Variants in VSIG10L observed in about 807,000 individuals in gnomAD.
VSIG10L encodes the protein V-set and immunoglobulin domain containing 10 like, also known as V-set and immunoglobulin domain-containing protein 10-like.
In VSIG10L, 63 loss-of-function variants were observed where a neutral mutation model predicts 67.3. That is an observed-to-expected ratio of 0.94 (90% confidence interval 0.76 to 1.15). The LOEUF (loss-of-function observed/expected upper bound fraction) is 1.15. Ranked by LOEUF, VSIG10L falls within the 50% of genes most tolerant of loss-of-function variation. The probability of loss-of-function intolerance (pLI) is 0.00; values close to 1 mark genes in which losing one functional copy is unlikely to be tolerated. For synonymous variants in VSIG10L, 499 were observed against 524.9 expected (o/e 0.95, Z 0.67); for missense variants, 1,050 against 1,177.5 (o/e 0.89, Z 1.58).
chr19:51,339,149 A>G lies in VSIG10L; in HGVS notation c.1475-7T>C. On this transcript the variant is annotated splice_region_variant and splice_polypyrimidine_tract_variant and intron_variant, in intron 4 of 9. Transcript: ENST00000335624. ...GGGGCCCCGGGGGGCAGGTCTGCGG[A>G]GAGAAGGGAGAGAATGAAGATGGAG... The G allele has an allele frequency of 7.8e-7, 1 of 1,284,630 alleles. No homozygotes were observed. The highest frequency in any genetic ancestry group is 1.5e-5 in the African/African-American group (1 of 64,658). 79.6% of individuals were successfully genotyped at this position (1,284,630 alleles called of 1,614,324 possible). A position where few individuals can be genotyped will look rare whatever the true frequency, so the allele number is the denominator to read the frequency against.
In VSIG10L at chr19:51,334,005, CAGCCAAT is replaced by C. The variant is rs1321088633; in HGVS notation, c.2420-67_2420-61del. 4 of 1,541,710 alleles carry C rather than the reference CAGCCAAT, an allele frequency of 2.6e-6. No individual in the cohort carries two copies. The East Asian group carries it at 9.8e-5, about 38-fold the overall frequency. ...GATTGGCTGCCCCAACATGCCAACCCAGCCAATAGCAAGGGAAGCTGGTTGGAGAGGC... is the reference window on the plus strand; with the variant it reads ...GATTGGCTGCCCCAACATGCCAACCCAGCAAGGGAAGCTGGTTGGAGAGGC... On this transcript the variant is annotated intron_variant, in intron 8 of 9. Transcript: ENST00000335624.
At position 51,333,529 on chromosome 19, in the gene VSIG10L, C is replaced by CAAAA. The variant is rs1190779104; in HGVS notation, c.2574+258_2574+261dup. Reference sequence around the variant, plus strand: ...GGGCAACAAAGTGAGACTCTGTCTCCAAAAAAAAAAAAAAGAGAGAGAGAG... The same window carrying CAAAA: ...GGGCAACAAAGTGAGACTCTGTCTCCAAAAAAAAAAAAAAAAAAGAGAGAGAGAG... On this transcript the variant is annotated intron_variant, in intron 9 of 9. Coordinates refer to ENST00000335624, the MANE Select transcript of VSIG10L (RefSeq NM_001163922.3). Among the ~76,000 whole-genome samples, 51 of 117,386 alleles carry CAAAA rather than the reference C, an allele frequency of 4.3e-4. 5 individuals carry two copies. The East Asian group carries it at 9.4e-3, about 22-fold the overall frequency. 77.0% of individuals were successfully genotyped at this position (117,386 alleles called of 152,430 possible).
intron 9 of VSIG10L, among the ~76,000 whole-genome samples, chr19:51,333,283 C>T (rs1433770700): frequency 6.6e-6 from 1 of 152,180 alleles, no homozygotes; most frequent in Non-Finnish European, 1.5e-5. Flanking sequence ...AATCCCAGCA[C>T]TTTGGGAGGC....
intron 6 of VSIG10L, 25 bp downstream of exon 6, chr19:51,337,905 G>C: frequency 6.6e-7 from 1 of 1,526,356 alleles, no homozygotes; most frequent in Non-Finnish European, 8.8e-7. Context: ...TGGACTTCAG[G>C]GTTTTTTGAA....
At position 51,338,874 on chromosome 19, in the gene VSIG10L, C is replaced by T; in HGVS notation, c.1729+14G>A. The T allele has an allele frequency of 7.3e-7, 1 of 1,368,650 alleles. No individual in the cohort carries two copies. Among genetic ancestry groups the T allele is most frequent in the Non-Finnish European group, 9.5e-7 (1 of 1,053,304 alleles). 84.8% of individuals were successfully genotyped at this position (1,368,650 alleles called of 1,614,324 possible). ...CTCCTCGAGAAACAGCAAAAAAGCC[C>T]CGCGCCCTCTCACCCGGCGTGACTG... On this transcript the variant is annotated intron_variant, in intron 5 of 9. Transcript: ENST00000335624.
chr19:51,336,754 G>A (rs867554375), intron 7 of VSIG10L, among the ~76,000 whole-genome samples: 30 of 143,602 alleles, frequency 2.1e-4, no homozygotes, highest in African/African-American at 6.3e-4. Flanking sequence ...GGACCCTGTC[G>A]ACACCTTGAT....
At chr19:51,334,339 C>G (rs940154946) in intron 7 of VSIG10L, 35 bp from the exon 8 acceptor site, 2 of 1,540,872 alleles carry the variant, frequency 1.3e-6, no homozygotes, top group African/African-American at 2.8e-5. Context: ...AGAAGGGGAA[C>G]AGGAACCAAG....
In VSIG10L at chr19:51,333,962, A is replaced by G; in HGVS notation, c.2420-17T>C. On this transcript the variant is annotated splice_polypyrimidine_tract_variant and intron_variant, in intron 8 of 9. Transcript: ENST00000335624. The stretch of plus-strand genomic sequence containing the variant: ...GAGTCTTTCCTGATTGAGAGGCAGA[A>G]GAGAAGCAGGAACACGTGATTGGCT... 6.4e-7 allele frequency: 1 copy of G among 1,550,978 alleles called. No homozygotes were observed. Among genetic ancestry groups the G allele is most frequent in the Non-Finnish European group, 8.7e-7 (1 of 1,146,828 alleles).
rs1379123181 is a variant in VSIG10L at position 51,340,143 on chromosome 19, G to A, written c.1346C>T (p.Ala449Val). Reference protein sequence around the residue: ...TWSLADPAEAAVPAGSRLLLP... With the variant: ...TWSLADPAEAVVPAGSRLLLP... Reference sequence around the variant, plus strand: ...CAGGAGGCGCGACCCCGCGGGCACCGCGGCCTCGGCCGGGTCCGCCAGGCT... The same window carrying A: ...CAGGAGGCGCGACCCCGCGGGCACCACGGCCTCGGCCGGGTCCGCCAGGCT... The change falls in exon 4 of 10, where the codon GCG becomes GTG. Residue 449 changes from alanine to valine, a missense_variant. Around this residue, in one of 3 missense-constraint regions of VSIG10L, gnomAD observed 529 missense variants for 584.9 expected, o/e 0.90. Transcript: ENST00000335624. The surrounding 1 kb of genome is among the most constrained non-coding windows in gnomAD (Gnocchi z 6.3). 10 of 1,319,446 alleles carry A rather than the reference G, an allele frequency of 7.6e-6. No homozygotes were observed. Among genetic ancestry groups the A allele is most frequent in the South Asian group, 6.4e-5 (3 of 46,908 alleles). 81.7% of individuals were successfully genotyped at this position (1,319,446 alleles called of 1,614,324 possible).
chr19:51,339,908 G>A (rs12982441), intron 4 of VSIG10L, 107 bp downstream of exon 4: 307,240 of 857,826 alleles, frequency 0.36, 49,559 homozygotes, highest in East Asian at 0.52. Flanking sequence ...CCCACCCACC[G>A]GTATGCTGCT....
At chr19:51,334,053 T>C in intron 8 of VSIG10L, 108 bp from the exon 9 acceptor site, 3 of 1,497,070 alleles carry the variant, frequency 2.0e-6, no homozygotes, top group Non-Finnish European at 2.7e-6. Context: ...CTTATGCTGA[T>C]TGGCTGATTT....
intron 7 of VSIG10L, 41 bp from the exon 8 acceptor site, chr19:51,334,345 C>A: frequency 1.3e-6 from 2 of 1,533,012 alleles, no homozygotes; most frequent in Non-Finnish European, 1.8e-6. Flanking sequence ...GGAACAGGAA[C>A]CAAGGTTGGA....
intron 7 of VSIG10L, among the ~76,000 whole-genome samples, chr19:51,336,865 C>T (rs1985493284): frequency 6.9e-6 from 1 of 145,336 alleles, no homozygotes; most frequent in East Asian, 2.1e-4. Flanking sequence ...CTCCCGGGTT[C>T]GCGCCATTCT....
At chr19:51,337,801 G>A in intron 6 of VSIG10L, 129 bp downstream of exon 6, 1 of 1,242,910 alleles carries the variant, frequency 8.0e-7, no homozygotes, top group East Asian at 2.6e-5. Flanking sequence ...CAGGGTCTGA[G>A]GGAGGAGAGG....
Position 51,332,575 on chromosome 19 carries a change from C to A in VSIG10L, c.*36G>T, listed in dbSNP as rs1985384086. ...GGGCAGACCACTGGCTCTGATCACA[C>A]CTGTGTGGCTGCGCGAACAGTCTTT... On this transcript the variant is annotated 3_prime_UTR_variant, in exon 10 of 10. Transcript: ENST00000335624. The A allele has an allele frequency of 2.6e-6, 4 of 1,551,506 alleles. No homozygotes were observed. The African/African-American group carries it at 4.1e-5, about 16-fold the overall frequency.
At chr19:51,337,815 G>C in intron 6 of VSIG10L, 115 bp downstream of exon 6, 1 of 1,331,434 alleles carries the variant, frequency 7.5e-7, no homozygotes, top group Non-Finnish European at 1.0e-6. Flanking sequence ...GGAGAGGCTG[G>C]GGGCCTGGAT....
Position 51,338,987 on chromosome 19 carries a change from GCA to G in VSIG10L, c.1628_1629del (p.Val543AlafsTer121). The G allele has an allele frequency of 7.0e-7, 1 of 1,426,236 alleles. No individual in the cohort carries two copies. The highest frequency in any genetic ancestry group is 9.2e-7 in the Non-Finnish European group (1 of 1,086,054). The allele number at this position is 1,426,236 out of a possible 1,614,324, so 88.3% of individuals were successfully genotyped here. A position where few individuals can be genotyped will look rare whatever the true frequency, so the allele number is the denominator to read the frequency against. On this transcript the variant is annotated frameshift_variant, in exon 5 of 10. Coordinates refer to ENST00000335624, the MANE Select transcript of VSIG10L (RefSeq NM_001163922.3). LOFTEE classifies it high-confidence loss of function. ...GGGTGGGCGGGGACGGCCGCCAGCA[GCA>G]CAGAGGACACTGGCCCGGCGCGGAT... ...EGIRAGPVSS[V>X]LLAAVPAHPR... is the part of the protein sequence containing the mutation.
At chr19:51,335,822 G>C (rs58879702) in intron 7 of VSIG10L, among the ~76,000 whole-genome samples, 5,641 of 152,164 alleles carry the variant, frequency 0.037, 284 homozygotes, top group African/African-American at 0.11. Context: ...TGAGGCAGGA[G>C]AATCACTTGA....
chr19:51,335,066 CA>C (rs2123549536), intron 7 of VSIG10L, among the ~76,000 whole-genome samples: 1 of 152,280 alleles, frequency 6.6e-6, no homozygotes, highest in African/African-American at 2.4e-5. Flanking sequence ...GAATAAAGAC[CA>C]GAGACAGTCA....
Sources: gnomAD v4.1 joint callset for allele counts (sites outside exome capture counted in the v4.1 genomes callset) on GRCh38, gnomAD v4.1.1 for gene constraint, gnomAD v4.1.1 regional missense constraint, Gnocchi (gnomAD v3.1) non-coding constraint, MANE v1.5 for transcripts, NCBI Gene and HGNC (gene_info 2026-07-23, HGNC 2026-07-21) for gene names.